Variants in C9orf153 observed in about 807,000 individuals in gnomAD.
C9orf153 encodes the protein uncharacterized protein C9orf153.
In C9orf153, 10 loss-of-function variants were observed where a neutral mutation model predicts 9.0. That is an observed-to-expected ratio of 1.11 (90% CI 0.69 to 1.89). The LOEUF is 1.89. Among genes scored for constraint, C9orf153 ranks in the 40% most tolerant of loss-of-function variants. The pLI is 0.00. For synonymous variants in C9orf153, 35 were observed against 37.3 expected (o/e 0.94, Z 0.23); for missense variants, 108 against 111.0 (o/e 0.97, Z 0.12).
chr9:86,224,267 G>A (rs1824268862), intron 3 of C9orf153, among the ~76,000 whole-genome samples: 1 of 152,008 alleles, frequency 6.6e-6, no homozygotes, highest in African/African-American at 2.4e-5. Flanking sequence ...TGCACCTGAG[G>A]TCCCAGCTAC....
intron 1 of C9orf153, among the ~76,000 whole-genome samples, chr9:86,232,475 C>A (rs1011212551): frequency 2.6e-5 from 4 of 152,108 alleles, no homozygotes; most frequent in African/African-American, 4.8e-5. Flanking sequence ...TAAAGTGAAG[C>A]TTTTGCAGGG....
intron 1 of C9orf153, among the ~76,000 whole-genome samples, chr9:86,250,783 C>T (rs11141317): frequency 0.46 from 69,356 of 152,022 alleles, 16,473 homozygotes; most frequent in East Asian, 0.84. Flanking sequence ...TTTAATCAAT[C>T]AGAAGTTTCA....
At chr9:86,224,258 G>A (rs1824268605) in intron 3 of C9orf153, among the ~76,000 whole-genome samples, 1 of 152,090 alleles carries the variant, frequency 6.6e-6, no homozygotes, top group African/African-American at 2.4e-5. Context: ...GTGGTGGCAT[G>A]CACCTGAGGT....
intron 1 of C9orf153, among the ~76,000 whole-genome samples, chr9:86,249,611 C>T (rs1384426932): frequency 4.0e-5 from 6 of 151,022 alleles, no homozygotes; most frequent in South Asian, 2.1e-4. Context: ...CGCAGTGGCG[C>T]GATTTTGGCT....
At chr9:86,255,614 G>A (rs1825105969) in intron 1 of C9orf153, among the ~76,000 whole-genome samples, 2 of 152,096 alleles carry the variant, frequency 1.3e-5, no homozygotes, top group South Asian at 4.1e-4. Context: ...ACCATAACCT[G>A]ATTTACCACC....
chr9:86,235,741 CAAAAAAAAAAAAA>C (rs60165641), intron 1 of C9orf153, among the ~76,000 whole-genome samples: 5 of 22,056 alleles, frequency 2.3e-4, no homozygotes, highest in Non-Finnish European at 4.4e-4. Flanking sequence ...GACTCCATCT[CAAAAAAAAAAAAA>C]AAAAAAAAAA....
In C9orf153 at chr9:86,220,548, C is replaced by T. The variant is rs1036030369; in HGVS notation, c.*1140G>A. 1.3e-5 allele frequency: 2 copies of T among 152,170 alleles called. No homozygotes were observed. The highest frequency in any genetic ancestry group is 4.8e-5 in the African/African-American group (2 of 41,430). 9.4% of individuals were successfully genotyped at this position (152,170 alleles called of 1,614,324 possible). A position where few individuals can be genotyped will look rare whatever the true frequency, so the allele number is the denominator to read the frequency against. Reference sequence around the variant, plus strand: ...AGTATATGACACTATTGTCCTCTGACCTCTATTGTTAATGAGCATTCTATT... The same window carrying T: ...AGTATATGACACTATTGTCCTCTGATCTCTATTGTTAATGAGCATTCTATT... On this transcript the variant is annotated 3_prime_UTR_variant, in exon 4 of 4. Coordinates refer to ENST00000339137, the MANE Select transcript of C9orf153 (RefSeq NM_001276366.4).
chr9:86,237,896 T>C (rs12340240), intron 1 of C9orf153, among the ~76,000 whole-genome samples: 1 of 152,008 alleles, frequency 6.6e-6, no homozygotes, highest in Admixed American at 6.6e-5. Flanking sequence ...CTGGCCAACA[T>C]GGCGAAACCC....
At chr9:86,236,957 C>A (rs10125247) in intron 1 of C9orf153, among the ~76,000 whole-genome samples, 2,496 of 137,770 alleles carry the variant, frequency 0.018, 55 homozygotes, top group African/African-American at 0.054. Context: ...AAAAAAAAAA[C>A]AAAATATAAT....
At chr9:86,237,340 C>G (rs972177380) in intron 1 of C9orf153, among the ~76,000 whole-genome samples, 1 of 152,180 alleles carries the variant, frequency 6.6e-6, no homozygotes, top group Non-Finnish European at 1.5e-5. Flanking sequence ...ACAAACCCGT[C>G]ACGACCACTT....
At chr9:86,254,058 T>G (rs1825052973) in intron 1 of C9orf153, among the ~76,000 whole-genome samples, 1 of 130,414 alleles carries the variant, frequency 7.7e-6, no homozygotes, top group African/African-American at 3.0e-5. Flanking sequence ...GCCATTGCAC[T>G]CCAGCCTGGG....
rs577866482 is a variant in C9orf153 at position 86,221,588 on chromosome 9, A to T, written c.*100T>A. The T allele has an allele frequency of 3.5e-3, 4,967 of 1,428,460 alleles. 19 individuals are homozygous for T. Among genetic ancestry groups the T allele is most frequent in the Non-Finnish European group, 4.4e-3 (4,736 of 1,087,966 alleles). 88.5% of individuals were successfully genotyped at this position (1,428,460 alleles called of 1,614,324 possible). On this transcript the variant is annotated 3_prime_UTR_variant, in exon 4 of 4. Transcript: ENST00000339137. ...ACTTGCGAACTATAGGGGGGAAAAT[A>T]ACGTCAGGCATGTCCTGGCTCTCTA...
intron 1 of C9orf153, among the ~76,000 whole-genome samples, chr9:86,243,460 T>C (rs554778845): frequency 9.9e-4 from 136 of 136,758 alleles, no homozygotes; most frequent in Non-Finnish European, 1.5e-3. Flanking sequence ...TTTTTCTTTT[T>C]CTTTTCTTCT....
At chr9:86,256,675 G>C (rs1825128817) in intron 1 of C9orf153, among the ~76,000 whole-genome samples, 1 of 152,202 alleles carries the variant, frequency 6.6e-6, no homozygotes, top group Non-Finnish European at 1.5e-5. Context: ...AGAGACAGGA[G>C]AGTCTCATTA....
intron 3 of C9orf153, among the ~76,000 whole-genome samples, chr9:86,226,480 C>G (rs1824335607): frequency 6.6e-6 from 1 of 152,036 alleles, no homozygotes. Flanking sequence ...TGCTACCACA[C>G]CTGGCTAATT....
chr9:86,235,740 T>TAA, intron 1 of C9orf153, among the ~76,000 whole-genome samples: 1 of 8,298 alleles, frequency 1.2e-4, no homozygotes. Flanking sequence ...AGACTCCATC[T>TAA]CAAAAAAAAA....
chr9:86,222,543 C>T (rs1168617922), intron 3 of C9orf153, among the ~76,000 whole-genome samples: 1 of 152,116 alleles, frequency 6.6e-6, no homozygotes, highest in Non-Finnish European at 1.5e-5. Flanking sequence ...ATTCAGAAAC[C>T]ACAAGCTTGA....
chr9:86,232,234 T>C (rs1267124555), intron 1 of C9orf153, among the ~76,000 whole-genome samples: 3 of 152,244 alleles, frequency 2.0e-5, no homozygotes, highest in Non-Finnish European at 4.4e-5. Flanking sequence ...GTTGGGTGCA[T>C]TTCCCTCTCA....
intron 1 of C9orf153, among the ~76,000 whole-genome samples, chr9:86,247,728 T>C (rs1824900923): frequency 6.6e-6 from 1 of 152,000 alleles, no homozygotes; most frequent in African/African-American, 2.4e-5. Flanking sequence ...TTATCCCAAA[T>C]GTTCCTTTTC....
Sources: gnomAD v4.1 joint callset for allele counts (sites outside exome capture counted in the v4.1 genomes callset) on GRCh38, gnomAD v4.1.1 for gene constraint, MANE v1.5 for transcripts, NCBI Gene and HGNC (gene_info 2026-07-23, HGNC 2026-07-21) for gene names.